SMARCA2: variants seen among roughly 807,000 people sequenced by gnomAD.
SMARCA2 encodes the protein SWI/SNF-related matrix-associated actin-dependent regulator of chromatin subfamily A member 2.
A neutral mutation model predicts 199.8 loss-of-function variants in SMARCA2; 61 were observed. The observed-to-expected ratio is 0.31, with a 90% CI of 0.25 to 0.38. The LOEUF is 0.38. Among genes scored for constraint, SMARCA2 ranks in the 10% least tolerant of loss-of-function variants. The pLI is 1.00. For missense variants in SMARCA2, 1,344 were observed against 2,012.2 expected, an observed-to-expected ratio of 0.67 and a Z score of 6.35; for synonymous variants, 935 against 732.0, an observed-to-expected ratio of 1.28 and a Z score of -4.48.
chr9:2,029,371 A>T (rs956635353), intron 2 of SMARCA2, 124 bp downstream of exon 2: 4 of 1,314,182 alleles, frequency 3.0e-6, no homozygotes, highest in Non-Finnish European at 3.1e-6. Flanking sequence ...TGTCTTGTAT[A>T]TCTCATATAT....
intron 3 of SMARCA2, among the ~76,000 whole-genome samples, chr9:2,036,340 A>G (rs1586631555): frequency 6.6e-6 from 1 of 152,160 alleles, no homozygotes; most frequent in Non-Finnish European, 1.5e-5. Context: ...GACTAGGGAA[A>G]GAAAACTGCC....
At position 2,056,936 on chromosome 9, in the gene SMARCA2, C is replaced by G. The variant is rs1364620016; in HGVS notation, c.1347+91C>G. The G allele has an allele frequency of 5.9e-6, 7 of 1,178,874 alleles. No homozygotes were observed. In the Admixed American group the frequency reaches 7.0e-5, roughly 12 times the overall value. 73.0% of individuals were successfully genotyped at this position (1,178,874 alleles called of 1,614,324 possible). On this transcript the variant is annotated intron_variant, in intron 7 of 33. Transcript: ENST00000349721. This position sits in a 1 kb window ranked among gnomAD's most constrained non-coding sequence, Gnocchi z 4.0. ...GGGTCAGAATGACTGAAAAATGGAC[C>G]CTTGTGGGTGGTGGGGACATCACAG... is the stretch of plus-strand genomic sequence containing the variant.
Position 2,039,556 on chromosome 9 carries a change from C to T in SMARCA2, c.446C>T (p.Pro149Leu), listed in dbSNP as rs1819487338. Residue 149 changes from proline to leucine, a missense_variant, in exon 4 of 34, where the codon CCA becomes CTA. Around this residue, in one of 18 missense-constraint regions of SMARCA2, gnomAD observed 275 missense variants for 247.5 expected, o/e 1.11. Transcript: ENST00000349721. This position sits in a 1 kb window ranked among gnomAD's most constrained non-coding sequence, Gnocchi z 4.8. ...SGGGPTPPQM[P>L]PSQPGALIPG... ...GGAGGCCCAACTCCACCTCAGATGCCACCAAGCCAGCCGGGGGCCCTCATC... is the reference window on the plus strand; with the variant it reads ...GGAGGCCCAACTCCACCTCAGATGCTACCAAGCCAGCCGGGGGCCCTCATC... 2 of 1,614,082 alleles carry T rather than the reference C, an allele frequency of 1.2e-6. No homozygotes were observed. Among genetic ancestry groups the T allele is most frequent in the African/African-American group, 1.3e-5 (1 of 74,916 alleles).
At chr9:2,034,998 T>G (rs1819260080) in intron 3 of SMARCA2, among the ~76,000 whole-genome samples, 1 of 150,790 alleles carries the variant, frequency 6.6e-6, no homozygotes, top group Non-Finnish European at 1.5e-5. Context: ...TTCATGGAGC[T>G]AATATAAGCC....
intron 32 of SMARCA2, among the ~76,000 whole-genome samples, chr9:2,188,247 A>T (rs1401528355): frequency 3.9e-5 from 6 of 152,154 alleles, no homozygotes; most frequent in Admixed American, 2.0e-4. Context: ...CGTGTTAATT[A>T]TACTCTGTTA....
chr9:2,116,527 G>A (rs532450414), intron 25 of SMARCA2, among the ~76,000 whole-genome samples: 78 of 152,270 alleles, frequency 5.1e-4, no homozygotes, highest in African/African-American at 1.8e-3. Context: ...CGCACATTTA[G>A]CTATACTTGC....
Position 2,115,578 on chromosome 9 carries a change from C to A in SMARCA2, c.3457-244C>A, listed in dbSNP as rs934059047. On this transcript the variant is annotated intron_variant, in intron 24 of 33. Transcript: ENST00000349721. The surrounding 1 kb of genome is among the most constrained non-coding windows in gnomAD (Gnocchi z 6.0). ...AGAGACAGATAAAAACAATATGATA[C>A]CTGGATTTCAAAACCTGAGATGTAT... 1.6e-4 allele frequency among the ~76,000 whole-genome samples: 25 copies of A among 152,104 alleles called. 1 individual carries two copies. The highest frequency in any genetic ancestry group is 1.5e-3 in the Admixed American group (23 of 15,268).
chr9:2,078,515 G>A (rs1821424327), intron 14 of SMARCA2, among the ~76,000 whole-genome samples: 2 of 151,766 alleles, frequency 1.3e-5, no homozygotes, highest in South Asian at 4.2e-4. Context: ...TCTGTGCTTT[G>A]ATTAAAAATT....
chr9:2,146,479 G>C (rs1414885861), intron 27 of SMARCA2, among the ~76,000 whole-genome samples: 1 of 152,164 alleles, frequency 6.6e-6, no homozygotes, highest in Non-Finnish European at 1.5e-5. Flanking sequence ...GGTTTCCTAG[G>C]TATTGTGGCT....
At chr9:2,055,591 A>T (rs1211337971) in intron 6 of SMARCA2, 1 of 152,222 alleles carries the variant, frequency 6.6e-6, no homozygotes, top group East Asian at 1.9e-4. Context: ...ATGTGACTAA[A>T]ATCACAGGCC....
In SMARCA2 at chr9:2,170,429, G is replaced by T; in HGVS notation, c.4210G>T (p.Glu1404Ter). ...TCTACTCTACCGCAGGTGTAACGTGGAGAAGGTGCCCAGTAATTCTCAGTT... is the reference window on the plus strand; with the variant it reads ...TCTACTCTACCGCAGGTGTAACGTGTAGAAGGTGCCCAGTAATTCTCAGTT... ...VINYKDRCNV[E>*]KVPSNSQLEI... The change falls in exon 29 of 34, where the codon GAG (glutamate) becomes TAG (stop). Residue 1404 changes from glutamate (E) to a stop codon, truncating the protein, a stop_gained. Transcript: ENST00000349721. LOFTEE classifies it high-confidence loss of function. The surrounding 1 kb of genome is among the most constrained non-coding windows in gnomAD (Gnocchi z 4.7). 6.2e-7 allele frequency: 1 copy of T among 1,614,138 alleles called. No homozygotes were observed. The highest frequency in any genetic ancestry group is 2.2e-5 in the East Asian group (1 of 44,876).
chr9:2,112,016 G>A (rs770873896), intron 24 of SMARCA2, among the ~76,000 whole-genome samples: 36 of 152,198 alleles, frequency 2.4e-4, no homozygotes, highest in Non-Finnish European at 4.7e-4. Context: ...ATATGGTTAC[G>A]TATTTTTATA....
intron 27 of SMARCA2, among the ~76,000 whole-genome samples, chr9:2,154,642 G>A (rs1453400621): frequency 6.6e-6 from 1 of 152,120 alleles, no homozygotes; most frequent in African/African-American, 2.4e-5. Flanking sequence ...GGGAAGCCCA[G>A]GAAAGAACCA....
Position 2,086,776 on chromosome 9 carries a change from T to G in SMARCA2, c.2527-53T>G. The G allele has an allele frequency of 6.2e-7, 1 of 1,601,362 alleles. No individual in the cohort carries two copies. Among genetic ancestry groups the G allele is most frequent in the East Asian group, 2.2e-5 (1 of 44,768 alleles). On this transcript the variant is annotated intron_variant, in intron 17 of 33. Coordinates refer to ENST00000349721, the MANE Select transcript of SMARCA2 (RefSeq NM_003070.5). This position sits in a 1 kb window ranked among gnomAD's most constrained non-coding sequence, Gnocchi z 4.3. ...CGCACCACCACTTGCTTGTTGGAAA[T>G]AGTTGTATTTTCCCTTGCTTACTAC...
At chr9:2,040,747 G>T (rs1390815315) in intron 4 of SMARCA2, 1 of 152,214 alleles carries the variant, frequency 6.6e-6, no homozygotes, top group African/African-American at 2.4e-5. Flanking sequence ...TACACCTTGG[G>T]ATGAAGTCTG....
At chr9:2,152,849 G>A (rs1489141672) in intron 27 of SMARCA2, among the ~76,000 whole-genome samples, 2 of 151,836 alleles carry the variant, frequency 1.3e-5, no homozygotes, top group Admixed American at 6.6e-5. Context: ...GAGCAAGACT[G>A]TCTCAAAAAA....
chr9:2,146,878 C>T (rs891003050), intron 27 of SMARCA2, among the ~76,000 whole-genome samples: 1 of 152,174 alleles, frequency 6.6e-6, no homozygotes, highest in Non-Finnish European at 1.5e-5. Context: ...TTTTGGCTGG[C>T]TTCTGTACTG....
At chr9:2,047,677 G>A (rs1819931673) in intron 5 of SMARCA2, 193 bp downstream of exon 5, 6 of 485,042 alleles carry the variant, frequency 1.2e-5, no homozygotes, top group Non-Finnish European at 1.6e-5. Context: ...ATCAAAAGCC[G>A]ACGGGGACTT....
At position 2,161,874 on chromosome 9, in the gene SMARCA2, C is replaced by A; in HGVS notation, c.4170C>A (p.Ile1390=). ...AACTGACAAAGCAGATGAACGCTAT[C>A]ATCGATACTGTGATAAACTACAAAG... is the stretch of plus-strand genomic sequence containing the variant. ...PPKLTKQMNA[I]IDTVINYKDR... Residue 1390 remains isoleucine (I), a synonymous_variant, in exon 28 of 34, where the codon ATC becomes ATA. Transcript: ENST00000349721. This position sits in a 1 kb window ranked among gnomAD's most constrained non-coding sequence, Gnocchi z 4.7. 6.2e-7 allele frequency: 1 copy of A among 1,614,058 alleles called. No homozygotes were observed. Among genetic ancestry groups the A allele is most frequent in the Non-Finnish European group, 8.5e-7 (1 of 1,179,916 alleles).
Sources: allele counts gnomAD v4.1 joint callset (sites outside exome capture counted in the v4.1 genomes callset), GRCh38; gene constraint gnomAD v4.1.1; regional missense constraint gnomAD v4.1.1; non-coding constraint Gnocchi (gnomAD v3.1); transcripts MANE v1.5; gene names NCBI Gene and HGNC (gene_info 2026-07-23, HGNC 2026-07-21).